Variants in ZDHHC4 observed in about 807,000 individuals in gnomAD.
ZDHHC4 encodes the protein zDHHC palmitoyltransferase 4.
In ZDHHC4, 42 loss-of-function variants were observed where a neutral mutation model predicts 36.7. The observed-to-expected ratio is 1.14, with a 90% CI of 0.89 to 1.48. The LOEUF (loss-of-function observed/expected upper bound fraction) is 1.48. Ranked by LOEUF, ZDHHC4 falls within the 40% of genes most tolerant of loss-of-function variation. ZDHHC4 has a pLI of 0.00. For synonymous variants in ZDHHC4, 189 were observed against 166.6 expected (o/e 1.13, Z -1.03); for missense variants, 457 against 421.5 (o/e 1.08, Z -0.74).
At chr7:6,585,805 C>T (rs947329715) in intron 7 of ZDHHC4, among the ~76,000 whole-genome samples, 4 of 151,706 alleles carry the variant, frequency 2.6e-5, no homozygotes, top group Non-Finnish European at 5.9e-5. Flanking sequence ...GACCCTGTCT[C>T]AGAAACTAAC....
At chr7:6,581,528 G>C (rs1186771363) in intron 3 of ZDHHC4, 79 bp from the exon 4 acceptor site, 2 of 1,079,750 alleles carry the variant, frequency 1.9e-6, no homozygotes, top group Non-Finnish European at 2.9e-6. Flanking sequence ...ATTGCCAGCT[G>C]TATGTGGAGT....
At chr7:6,582,770 C>A (rs547606861) in intron 5 of ZDHHC4, among the ~76,000 whole-genome samples, 3 of 152,220 alleles carry the variant, frequency 2.0e-5, no homozygotes, top group African/African-American at 7.2e-5. Flanking sequence ...CCCACCTCAG[C>A]CTCCCAAAGT....
intron 7 of ZDHHC4, among the ~76,000 whole-genome samples, chr7:6,587,048 CTTT>C (rs1286709471): frequency 1.4e-5 from 2 of 143,196 alleles, no homozygotes; most frequent in East Asian, 4.0e-4. Context: ...CATATGGTAA[CTTT>C]TTTTTTTTTT....
In ZDHHC4 at chr7:6,589,265, G is replaced by C; in HGVS notation, c.*355G>C. 1 of 249,826 alleles carries C rather than the reference G, an allele frequency of 4.0e-6. No individual in the cohort carries two copies. Among genetic ancestry groups the C allele is most frequent in the East Asian group, 8.8e-5 (1 of 11,314 alleles). 15.5% of individuals were successfully genotyped at this position (249,826 alleles called of 1,614,324 possible). On this transcript the variant is annotated 3_prime_UTR_variant, in exon 8 of 8. Transcript: ENST00000335965. ...GGAGGGTCTCATTGACTCAGCGCCTGCGCGTTGTGCCTGGCTGTGCTCTCT... is the reference window on the plus strand; with the variant it reads ...GGAGGGTCTCATTGACTCAGCGCCTCCGCGTTGTGCCTGGCTGTGCTCTCT...
rs1284848684 is a variant in ZDHHC4 at position 6,588,703 on chromosome 7, T to C, written c.828T>C (p.Phe276=). 1 of 1,614,224 alleles carries C rather than the reference T, an allele frequency of 6.2e-7. No homozygotes were observed. The highest frequency in any genetic ancestry group is 1.7e-5 in the Admixed American group (1 of 60,022). The change falls in exon 8 of 8, where the codon TTT becomes TTC. Residue 276 remains phenylalanine (F), a synonymous_variant. Transcript: ENST00000335965. ...LSFLLGGYLL[F]VLYLAATNQT... is the part of the protein sequence containing the mutation. Reference sequence around the variant, plus strand: ...TCCTCCTGGGTGGCTACCTGTTGTTTGTCCTGTATCTGGCGGCCACCAACC... The same window carrying C: ...TCCTCCTGGGTGGCTACCTGTTGTTCGTCCTGTATCTGGCGGCCACCAACC...
intron 5 of ZDHHC4, 109 bp from the exon 6 acceptor site, chr7:6,583,197 C>A: frequency 9.4e-6 from 11 of 1,170,702 alleles, no homozygotes; most frequent in South Asian, 1.4e-5. Context: ...AAAAGAATTA[C>A]TTACGATATT....
intron 3 of ZDHHC4, 106 bp downstream of exon 3, chr7:6,580,784 G>T: frequency 9.6e-7 from 1 of 1,039,814 alleles, no homozygotes; most frequent in Non-Finnish European, 1.5e-6. Flanking sequence ...CGGGTGCAGT[G>T]CCTCACACCT....
chr7:6,580,045 G>T (rs1468318711), intron 2 of ZDHHC4, among the ~76,000 whole-genome samples: 1 of 152,120 alleles, frequency 6.6e-6, no homozygotes, highest in Admixed American at 6.5e-5. Flanking sequence ...TGAGGCAGGA[G>T]AATTGCTTGA....
intron 5 of ZDHHC4, among the ~76,000 whole-genome samples, chr7:6,583,042 A>T (rs1348224444): frequency 6.6e-6 from 1 of 152,112 alleles, no homozygotes; most frequent in East Asian, 1.9e-4. Context: ...CCACGCGTGC[A>T]TTAGCACGCC....
chr7:6,588,312 A>G (rs7800917), intron 7 of ZDHHC4, among the ~76,000 whole-genome samples: 1 of 152,120 alleles, frequency 6.6e-6, no homozygotes, highest in East Asian at 1.9e-4. Context: ...TGGATTTTAT[A>G]TTGATGAATG....
chr7:6,586,285 C>T (rs1484591356), intron 7 of ZDHHC4, among the ~76,000 whole-genome samples: 1 of 152,152 alleles, frequency 6.6e-6, no homozygotes, highest in Admixed American at 6.5e-5. Flanking sequence ...TCATCATCCC[C>T]AAAAGGAAAC....
At position 6,588,748 on chromosome 7, in the gene ZDHHC4, C is replaced by A. The variant is rs765419278; in HGVS notation, c.873C>A (p.Tyr291Ter). 1 of 1,614,214 alleles carries A rather than the reference C, an allele frequency of 6.2e-7. No individual in the cohort carries two copies. The highest frequency in any genetic ancestry group is 1.1e-5 in the South Asian group (1 of 91,086). Reference sequence around the variant, plus strand: ...CCAACCAGACTACTAACGAGTGGTACAGAGGTGACTGGGCCTGGTGCCAGC... The same window carrying A: ...CCAACCAGACTACTAACGAGTGGTAAAGAGGTGACTGGGCCTGGTGCCAGC... ...AATNQTTNEW[Y>*]RGDWAWCQRC... Residue 291 changes from tyrosine (Y) to a stop codon, truncating the protein, a stop_gained, in exon 8 of 8, where the codon TAC (tyrosine) becomes TAA (stop). Transcript: ENST00000335965. LOFTEE classifies it high-confidence loss of function.
rs139414896 is a variant in ZDHHC4 at position 6,585,210 on chromosome 7, A to G, written c.691A>G (p.Ile231Val). The change falls in exon 7 of 8, where the codon ATC becomes GTC. Residue 231 changes from isoleucine (I) to valine (V), a missense_variant. By Grantham distance (29) the Ile-to-Val change is conservative. Transcript: ENST00000335965. ...GTCAGATTTATACCAGGAGACTTAC[A>G]TCGATGACCTTGGACACCTCCATGT... The part of the protein sequence containing the change: ...VMSDLYQETY[I>V]DDLGHLHVMD... The G allele has an allele frequency of 1.5e-5, 24 of 1,614,152 alleles. 1 individual carries two copies. Among genetic ancestry groups the G allele is most frequent in the Middle Eastern group, 1.6e-4 (1 of 6,062 alleles).
chr7:6,587,173 C>T (rs929669012), intron 7 of ZDHHC4, among the ~76,000 whole-genome samples: 1 of 151,986 alleles, frequency 6.6e-6, no homozygotes, highest in African/African-American at 2.4e-5. Context: ...TCCCAAAGTG[C>T]TGGGATTACA....
rs193227750 is a variant in ZDHHC4 at position 6,578,947 on chromosome 7, C to T, written c.-8+227C>T. On this transcript the variant is annotated intron_variant, in intron 2 of 7. Coordinates refer to ENST00000335965, the MANE Select transcript of ZDHHC4 (RefSeq NM_001134389.2). ...TGAACTCCTGTGCTCAAGCAATCCT[C>T]CCGCCTCAGCCTCCACAGGCATGCG... is the stretch of plus-strand genomic sequence containing the variant. 3.0e-4 allele frequency among the ~76,000 whole-genome samples: 45 copies of T among 152,202 alleles called. No homozygotes were observed. The South Asian group carries it at 6.6e-3, about 22-fold the overall frequency.
At position 6,588,808 on chromosome 7, in the gene ZDHHC4, G is replaced by T; in HGVS notation, c.933G>T (p.Glu311Asp). The T allele has an allele frequency of 3.1e-6, 5 of 1,614,132 alleles. No homozygotes were observed. Among genetic ancestry groups the T allele is most frequent in the South Asian group, 1.1e-5 (1 of 91,080 alleles). The change falls in exon 8 of 8, where the codon GAG (glutamate) becomes GAT (aspartate). Residue 311 changes from glutamate to aspartate, a missense_variant. Transcript: ENST00000335965. The part of the protein sequence containing the change: ...CPLVAWPPSA[E>D]PQVHRNIHSH... Reference sequence around the variant, plus strand: ...TTGTGGCCTGGCCTCCGTCAGCAGAGCCCCAAGTCCACCGGAACATTCACT... The same window carrying T: ...TTGTGGCCTGGCCTCCGTCAGCAGATCCCCAAGTCCACCGGAACATTCACT...
chr7:6,581,129 T>G, intron 3 of ZDHHC4: 2 of 224,716 alleles, frequency 8.9e-6, no homozygotes, highest in South Asian at 5.9e-5. Flanking sequence ...CTGGGGCACT[T>G]AATGGGTGAC....
At chr7:6,579,634 C>G (rs1426410249) in intron 2 of ZDHHC4, among the ~76,000 whole-genome samples, 6 of 152,356 alleles carry the variant, frequency 3.9e-5, no homozygotes, top group Middle Eastern at 6.8e-3. Flanking sequence ...GGGCTCCTGA[C>G]TGCCTCTAGG....
rs1010400957 is a variant in ZDHHC4 at position 6,582,327 on chromosome 7, C to T, written c.370+76C>T. 5.3e-6 allele frequency: 7 copies of T among 1,326,844 alleles called. No individual in the cohort carries two copies. In the Admixed American group the frequency reaches 1.5e-4, roughly 28 times the overall value. The allele number at this position is 1,326,844 out of a possible 1,614,324, so 82.2% of individuals were successfully genotyped here. ...TAATAGTGCTGCAAACAAGGAGAGG[C>T]CCCCCCTGAGGACTTTGTAAAAGAT... On this transcript the variant is annotated intron_variant, in intron 5 of 7. Coordinates refer to ENST00000335965, the MANE Select transcript of ZDHHC4 (RefSeq NM_001134389.2).
Sources: gnomAD v4.1 joint callset for allele counts (sites outside exome capture counted in the v4.1 genomes callset) on GRCh38, gnomAD v4.1.1 for gene constraint, MANE v1.5 for transcripts, NCBI Gene and HGNC (gene_info 2026-07-23, HGNC 2026-07-21) for gene names.